Variants in SYNJ1 observed in about 807,000 individuals in gnomAD.
SYNJ1 encodes the protein polyphosphatidylinositol phosphatase SYNJ1.
In SYNJ1, 78 loss-of-function variants were observed where a neutral mutation model predicts 168.2. The ratio of observed to expected loss-of-function variants is 0.46; its 90% CI spans 0.39 to 0.56. SYNJ1 has a LOEUF of 0.56. Ranked by LOEUF, SYNJ1 falls within the 20% of genes least tolerant of loss-of-function variation. The pLI, the probability that SYNJ1 is intolerant of heterozygous loss-of-function variation, is 0.00. For synonymous variants in SYNJ1, 539 were observed against 548.6 expected (o/e 0.98, Z 0.24); for missense variants, 1,303 against 1,597.6 (o/e 0.82, Z 3.14).
intron 2 of SYNJ1, among the ~76,000 whole-genome samples, chr21:32,722,196 AAAAAAAAAAAT>A (rs1458740932): frequency 9.7e-6 from 1 of 102,674 alleles, no homozygotes; most frequent in African/African-American, 4.1e-5. Context: ...AAAGAAAAAA[AAAAAAAAAAAT>A]ATATATATAT....
intron 14 of SYNJ1, among the ~76,000 whole-genome samples, chr21:32,672,021 T>G (rs1418813353): frequency 7.9e-6 from 1 of 125,954 alleles, no homozygotes; most frequent in Non-Finnish European, 1.5e-5. Context: ...ATCCTGCCAC[T>G]GCACTCCAGC....
At chr21:32,662,050 C>G (rs924992276) in intron 18 of SYNJ1, among the ~76,000 whole-genome samples, 1 of 152,118 alleles carries the variant, frequency 6.6e-6, no homozygotes, top group Non-Finnish European at 1.5e-5. Context: ...TGACCACCCC[C>G]ACGGCTGTAA....
chr21:32,656,878 T>C lies in SYNJ1; in HGVS notation c.2604A>G (p.Ile868Met), dbSNP rs377165480. Residue 868 changes from isoleucine to methionine, a missense_variant, in exon 21 of 33, where the codon ATA (isoleucine) becomes ATG (methionine). Coordinates refer to ENST00000674351, the MANE Select transcript of SYNJ1 (RefSeq NM_203446.3). ...DHRPVVALID[I>M]DIFEVEAEER... is the part of the protein sequence containing the mutation. ...CTTCAGCTTCAACTTCAAATATATC[T>C]ATATCAATCAGGGCAACGACAGGCC... 8.1e-6 allele frequency: 13 copies of C among 1,614,024 alleles called. No individual in the cohort carries two copies. The highest frequency in any genetic ancestry group is 1.3e-5 in the African/African-American group (1 of 74,936).
intron 8 of SYNJ1, 125 bp from the exon 9 acceptor site, chr21:32,686,042 T>G: frequency 1.1e-6 from 1 of 913,994 alleles, no homozygotes; most frequent in Non-Finnish European, 1.6e-6. Context: ...AAACTATCCC[T>G]GAGAGATACG....
intron 18 of SYNJ1, among the ~76,000 whole-genome samples, chr21:32,658,169 C>T (rs978980096): frequency 6.6e-6 from 1 of 152,196 alleles, no homozygotes; most frequent in African/African-American, 2.4e-5. Flanking sequence ...CAAATGAGAA[C>T]TTATATCCCT....
At chr21:32,662,234 GGA>G in intron 18 of SYNJ1, among the ~76,000 whole-genome samples, 1 of 152,270 alleles carries the variant, frequency 6.6e-6, no homozygotes, top group East Asian at 1.9e-4. Flanking sequence ...CGAGGCATGA[GGA>G]GAATCATCGT....
chr21:32,727,318 G>A (rs1279253644), intron 1 of SYNJ1, among the ~76,000 whole-genome samples: 4 of 152,198 alleles, frequency 2.6e-5, no homozygotes, highest in Non-Finnish European at 5.9e-5. Flanking sequence ...CAGTTCCTTC[G>A]AGGTGAAAGG....
chr21:32,653,948 A>T (rs2040367865), intron 21 of SYNJ1: 1 of 152,160 alleles, frequency 6.6e-6, no homozygotes, highest in Admixed American at 6.5e-5. Context: ...CTTTGATAGG[A>T]TTCCAAGTTT....
rs1256098374 is a variant in SYNJ1, at chr21:32,673,461, T to C, written c.1605A>G (p.Val535=). ...CATTCACATTCCAGGTTCCGACACA[T>C]ACTCGAATTTTCTTAGGCTTTGAAT... ...YKYSKPKKIR[V]CVGTWNVNGG... The change falls in exon 14 of 33, where the codon GTA becomes GTG. Residue 535 remains valine (V), a synonymous_variant. Transcript: ENST00000674351. 1.2e-6 allele frequency: 2 copies of C among 1,613,168 alleles called. No homozygotes were observed. Among genetic ancestry groups the C allele is most frequent in the Non-Finnish European group, 1.7e-6 (2 of 1,179,636 alleles).
chr21:32,675,106 A>G (rs915141872), intron 13 of SYNJ1, among the ~76,000 whole-genome samples: 2 of 152,182 alleles, frequency 1.3e-5, no homozygotes, highest in East Asian at 1.9e-4. Context: ...ATAATTCTCT[A>G]TAATTATGGT....
At position 32,633,636 on chromosome 21, in the gene SYNJ1, T is replaced by A. The variant is rs368702139; in HGVS notation, c.*3+1225A>T. Among the ~76,000 whole-genome samples the A allele has an allele frequency of 7.2e-5, 11 of 152,102 alleles. No individual in the cohort carries two copies. The East Asian group carries it at 7.7e-4, about 11-fold the overall frequency. On this transcript the variant is annotated intron_variant, in intron 32 of 32. Coordinates refer to ENST00000674351, the MANE Select transcript of SYNJ1 (RefSeq NM_203446.3). ...GCAACATAACTATACTTTCATGAAA[T>A]ATATTGGAAAAAAACAGCAGCAGTC...
intron 2 of SYNJ1, among the ~76,000 whole-genome samples, chr21:32,702,466 C>G (rs2042440499): frequency 6.6e-6 from 1 of 152,116 alleles, no homozygotes; most frequent in Non-Finnish European, 1.5e-5. Flanking sequence ...GTTAACGTTA[C>G]CTTGTTAATG....
Position 32,685,787 on chromosome 21 carries a change from T to C in SYNJ1, c.1079A>G (p.Asp360Gly), listed in dbSNP as rs1339324043. 1 of 1,610,188 alleles carries C rather than the reference T, an allele frequency of 6.2e-7. No homozygotes were observed. Among genetic ancestry groups the C allele is most frequent in the Non-Finnish European group, 8.5e-7 (1 of 1,178,664 alleles). The change falls in exon 9 of 33, where the codon GAT becomes GGT. Residue 360 changes from aspartate (D) to glycine (G), a missense_variant. Physicochemically the swap from Asp to Gly is moderately conservative, Grantham distance 94. Coordinates refer to ENST00000674351, the MANE Select transcript of SYNJ1 (RefSeq NM_203446.3). ...VLKPQVQKFLDYGFFYFNGSE... is the reference protein window; with the variant it reads ...VLKPQVQKFLGYGFFYFNGSE... ...TCCATTGAAATAAAAAAATCCATAA[T>C]CTAGAAACTTCTGGACTTGAGGTTT...
At chr21:32,637,596 A>G (rs1404659383) in intron 31 of SYNJ1, among the ~76,000 whole-genome samples, 7 of 151,968 alleles carry the variant, frequency 4.6e-5, no homozygotes, top group African/African-American at 1.7e-4. Context: ...TTTACAAAAC[A>G]AAAGAGACAG....
At chr21:32,726,977 T>A (rs2043485053) in intron 1 of SYNJ1, 60 bp from the exon 2 acceptor site, 1 of 1,570,966 alleles carries the variant, frequency 6.4e-7, no homozygotes, top group East Asian at 2.3e-5. Flanking sequence ...CAGCAAGGAC[T>A]GCAAAGCATC....
At chr21:32,666,207 A>G in intron 16 of SYNJ1, 72 bp from the exon 17 acceptor site, 5 of 1,500,692 alleles carry the variant, frequency 3.3e-6, no homozygotes, top group Non-Finnish European at 4.5e-6. Context: ...AATGAGGAAT[A>G]TACATAATCA....
At chr21:32,722,205 A>AAAATATAT (rs1286564956) in intron 2 of SYNJ1, among the ~76,000 whole-genome samples, 6 of 65,728 alleles carry the variant, frequency 9.1e-5, no homozygotes, top group East Asian at 4.7e-4. Flanking sequence ...AAAAAAAAAA[A>AAAATATAT]ATATATATAT....
chr21:32,721,248 C>T (rs1198934973), intron 2 of SYNJ1, among the ~76,000 whole-genome samples: 1 of 152,160 alleles, frequency 6.6e-6, no homozygotes, highest in African/African-American at 2.4e-5. Flanking sequence ...CTTTTCAAAA[C>T]TGAGTAATGC....
At chr21:32,686,173 T>C (rs966389270) in intron 8 of SYNJ1, among the ~76,000 whole-genome samples, 1 of 152,194 alleles carries the variant, frequency 6.6e-6, no homozygotes, top group Non-Finnish European at 1.5e-5. Flanking sequence ...AGACCTATTA[T>C]AGAATCTCAA....
Sources: allele counts gnomAD v4.1 joint callset (sites outside exome capture counted in the v4.1 genomes callset), GRCh38; gene constraint gnomAD v4.1.1; transcripts MANE v1.5; gene names NCBI Gene and HGNC (gene_info 2026-07-23, HGNC 2026-07-21).